The following CEP95 variants were observed in gnomAD, a reference collection of about 807,000 sequenced individuals.
CEP95 encodes the protein centrosomal protein 95.
In CEP95, 98 loss-of-function variants were observed where a neutral mutation model predicts 111.2. The observed-to-expected ratio is 0.88, with a 90% CI of 0.75 to 1.04. CEP95 has a LOEUF of 1.04. Among genes scored for constraint, CEP95 ranks in the 50% least tolerant of loss-of-function variants. The probability of loss-of-function intolerance (pLI) is 0.00; values close to 1 mark genes in which losing one functional copy is unlikely to be tolerated. For synonymous variants in CEP95, 323 were observed against 327.1 expected, an observed-to-expected ratio of 0.99 and a Z score of 0.14; for missense variants, 1,027 against 977.2, an observed-to-expected ratio of 1.05 and a Z score of -0.68.
At chr17:64,521,179 G>C (rs918781065) in intron 6 of CEP95, among the ~76,000 whole-genome samples, 2 of 152,190 alleles carry the variant, frequency 1.3e-5, no homozygotes, top group Admixed American at 6.5e-5. Flanking sequence ...GGAGGTTGCA[G>C]TGCAGCGAGA....
chr17:64,524,723 A>T (rs1967656318), intron 8 of CEP95, among the ~76,000 whole-genome samples: 2 of 152,206 alleles, frequency 1.3e-5, no homozygotes, highest in Admixed American at 1.3e-4. Context: ...CTGTAATCCC[A>T]GCACTTTGAG....
At position 64,531,025 on chromosome 17, in the gene CEP95, A is replaced by G; in HGVS notation, c.1539+7A>G. The G allele has an allele frequency of 6.8e-7, 1 of 1,479,678 alleles. No homozygotes were observed. The highest frequency in any genetic ancestry group is 1.2e-5 in the South Asian group (1 of 81,418). The allele number at this position is 1,479,678 out of a possible 1,614,324, so 91.7% of individuals were successfully genotyped here. The stretch of plus-strand genomic sequence containing the variant: ...TGAGAAGGAGGAGGAAACAGTGGGT[A>G]AAAGTCTCCACTGTAATAAATGCCA... On this transcript the variant is annotated splice_region_variant and intron_variant, in intron 13 of 19. Coordinates refer to ENST00000556440, the MANE Select transcript of CEP95 (RefSeq NM_138363.3).
At chr17:64,536,880 CAT>C in intron 18 of CEP95, 132 bp downstream of exon 18, 10 of 1,196,596 alleles carry the variant, frequency 8.4e-6, no homozygotes, top group Non-Finnish European at 1.2e-5. Flanking sequence ...TAGAGGACCC[CAT>C]TTCAAGATTG....
In CEP95 at chr17:64,525,789, T is replaced by G; in HGVS notation, c.929T>G (p.Phe310Cys). The G allele has an allele frequency of 6.2e-7, 1 of 1,606,644 alleles. No homozygotes were observed. The highest frequency in any genetic ancestry group is 8.5e-7 in the Non-Finnish European group (1 of 1,177,122). ...EFSGDLDDGL[F>C]LISKLPKGSK... The stretch of plus-strand genomic sequence containing the variant: ...TAATAGGATCTAGATGATGGACTTT[T>G]CTTAATTTCCAAGTTGCCTAAAGGC... Residue 310 changes from phenylalanine to cysteine, a missense_variant, in exon 9 of 20, where the codon TTC (phenylalanine) becomes TGC (cysteine). Transcript: ENST00000556440.
In CEP95 at chr17:64,521,914, TG is replaced by T. The variant is rs1286003109; in HGVS notation, c.715+389del. On this transcript the variant is annotated intron_variant, in intron 7 of 19. Transcript: ENST00000556440. Reference sequence around the variant, plus strand: ...CTCTGTTGCCCAGGCTGGAGTGCAGTGGCATGATCTCGGCTCACTGCAACCT... The same window carrying T: ...CTCTGTTGCCCAGGCTGGAGTGCAGTGCATGATCTCGGCTCACTGCAACCT... Among the ~76,000 whole-genome samples, 10 of 152,228 alleles carry T rather than the reference TG, an allele frequency of 6.6e-5. No individual in the cohort carries two copies. The South Asian group carries it at 1.7e-3, about 25-fold the overall frequency.
rs782545924 is a variant in CEP95, at chr17:64,537,605, A to G, written c.2292A>G (p.Thr764=). Reference sequence around the variant, plus strand: ...GATGACATGCCTTCTTTTTTCAGACATTACATAAGGTGAAGAGGGAGCTGA... The same window carrying G: ...GATGACATGCCTTCTTTTTTCAGACGTTACATAAGGTGAAGAGGGAGCTGA... ...LKAREKSQAQ[T]LHKVKRELRS... Residue 764 remains threonine (T), a splice_region_variant and synonymous_variant, in exon 20 of 20, where the codon ACA becomes ACG. Transcript: ENST00000556440. 1.9e-6 allele frequency: 3 copies of G among 1,587,978 alleles called. No individual in the cohort carries two copies. Among genetic ancestry groups the G allele is most frequent in the African/African-American group, 2.7e-5 (2 of 74,172 alleles).
chr17:64,510,614 A>G (rs781945214), intron 3 of CEP95, among the ~76,000 whole-genome samples: 9 of 152,262 alleles, frequency 5.9e-5, no homozygotes, highest in Non-Finnish European at 1.0e-4. Flanking sequence ...CAGTGGTGCA[A>G]TCACAGCTCA....
At chr17:64,517,047 T>G (rs1555676501) in intron 5 of CEP95, among the ~76,000 whole-genome samples, 1 of 152,058 alleles carries the variant, frequency 6.6e-6, no homozygotes, top group Non-Finnish European at 1.5e-5. Flanking sequence ...TTTATATTTT[T>G]CTTTTTTTTT....
At chr17:64,526,452 T>G (rs1204610704) in intron 10 of CEP95, among the ~76,000 whole-genome samples, 1 of 152,198 alleles carries the variant, frequency 6.6e-6, no homozygotes, top group Admixed American at 6.5e-5. Context: ...ACATAAACGA[T>G]TATGTTAAGC....
chr17:64,517,446 G>A (rs552516344), intron 5 of CEP95, among the ~76,000 whole-genome samples: 1 of 152,208 alleles, frequency 6.6e-6, no homozygotes, highest in African/African-American at 2.4e-5. Context: ...CTAAATAACT[G>A]CTGTTAACAT....
chr17:64,532,980 A>C lies in CEP95; in HGVS notation c.1814A>C (p.Asn605Thr). The C allele has an allele frequency of 1.2e-6, 2 of 1,612,270 alleles. No homozygotes were observed. Among genetic ancestry groups the C allele is most frequent in the Non-Finnish European group, 1.7e-6 (2 of 1,179,490 alleles). Reference protein sequence around the residue: ...EQLKKEACRENRSKKKLQDEI... With the variant: ...EQLKKEACRETRSKKKLQDEI... ...CTTAAGAAAGAAGCATGTAGAGAAA[A>C]TCGATCAAAGAAGAAACTCCAAGAT... The change falls in exon 15 of 20, where the codon AAT becomes ACT. Residue 605 changes from asparagine (N) to threonine (T), a missense_variant. Coordinates refer to ENST00000556440, the MANE Select transcript of CEP95 (RefSeq NM_138363.3).
chr17:64,523,717 A>G (rs1317183765), intron 8 of CEP95, among the ~76,000 whole-genome samples: 3 of 152,206 alleles, frequency 2.0e-5, no homozygotes, highest in Non-Finnish European at 4.4e-5. Context: ...CCTGGGAAAC[A>G]TAGTGAGACC....
chr17:64,509,933 A>G (rs569029805), intron 2 of CEP95, among the ~76,000 whole-genome samples: 3 of 152,108 alleles, frequency 2.0e-5, no homozygotes. Context: ...TGTAATAAAT[A>G]TTCAACCGTA....
At chr17:64,519,244 C>A in intron 5 of CEP95, 77 bp from the exon 6 acceptor site, 2 of 866,296 alleles carry the variant, frequency 2.3e-6, no homozygotes, top group Non-Finnish European at 3.8e-6. Context: ...TTTTCTGCAC[C>A]CAGCAGCTCT....
rs2039034759 is a variant in CEP95 at position 64,514,292 on chromosome 17, C to T, written c.301C>T (p.Leu101=). The change falls in exon 4 of 20, where the codon CTG becomes TTG. Residue 101 remains leucine (L), a synonymous_variant. Transcript: ENST00000556440. ...AGATAAAGAATCTATTAAGAATCTCCTGGAAATATTTGATGGTTTGTTGGA... is the reference window on the plus strand; with the variant it reads ...AGATAAAGAATCTATTAAGAATCTCTTGGAAATATTTGATGGTTTGTTGGA... ...KGDKESIKNL[L]EIFDGLLEYL... The T allele has an allele frequency of 1.3e-6, 2 of 1,503,142 alleles. No homozygotes were observed. Among genetic ancestry groups the T allele is most frequent in the Non-Finnish European group, 1.8e-6 (2 of 1,103,938 alleles). 93.1% of individuals were successfully genotyped at this position (1,503,142 alleles called of 1,614,324 possible).
At chr17:64,518,761 A>G (rs1356185670) in intron 5 of CEP95, among the ~76,000 whole-genome samples, 1 of 151,902 alleles carries the variant, frequency 6.6e-6, no homozygotes, top group African/African-American at 2.4e-5. Flanking sequence ...GCTCACTGCA[A>G]CCTCTGCCTC....
intron 7 of CEP95, 42 bp downstream of exon 7, chr17:64,521,569 T>C (rs782430557): frequency 6.3e-7 from 1 of 1,582,094 alleles, no homozygotes; most frequent in Admixed American, 1.9e-5. Flanking sequence ...CTGATGATCA[T>C]TCTTGGGGCA....
At chr17:64,527,510 C>G (rs1967911078) in intron 11 of CEP95, among the ~76,000 whole-genome samples, 1 of 152,154 alleles carries the variant, frequency 6.6e-6, no homozygotes, top group Admixed American at 6.6e-5. Context: ...CCCCACAGAT[C>G]TCTTTTCCCC....
intron 2 of CEP95, among the ~76,000 whole-genome samples, chr17:64,509,176 T>A (rs1190400730): frequency 2.0e-5 from 3 of 152,164 alleles, no homozygotes; most frequent in African/African-American, 7.2e-5. Flanking sequence ...ATGATGAACC[T>A]CATTTACCAA....
Sources: gnomAD v4.1 joint callset for allele counts (sites outside exome capture counted in the v4.1 genomes callset) on GRCh38, gnomAD v4.1.1 for gene constraint, MANE v1.5 for transcripts, NCBI Gene and HGNC (gene_info 2026-07-23, HGNC 2026-07-21) for gene names.